CSF2RA: variants seen among roughly 807,000 people sequenced by gnomAD.
CSF2RA encodes the protein colony stimulating factor 2 receptor subunit alpha, also known as granulocyte-macrophage colony-stimulating factor receptor subunit alpha.
A neutral mutation model predicts 51.6 loss-of-function variants in CSF2RA; 42 were observed. The ratio of observed to expected loss-of-function variants is 0.81; its 90% CI spans 0.64 to 1.05. The LOEUF is 1.05. Among genes scored for constraint, CSF2RA ranks in the 50% least tolerant of loss-of-function variants. CSF2RA has a pLI of 0.00. For missense variants in CSF2RA, 530 were observed against 501.1 expected, an observed-to-expected ratio of 1.06 and a Z score of -0.55; for synonymous variants, 222 against 193.0, an observed-to-expected ratio of 1.15 and a Z score of -1.24.
chrX:1,323,151 T>A, the CSF2RA span, among the ~76,000 whole-genome samples: 11,640 of 54,964 alleles, frequency 0.21, 1,440 homozygotes, highest in African/African-American at 0.4. Flanking sequence ...ATACAATACA[T>A]TACAATTATA....
At chrX:1,289,088 G>A in intron 6 of CSF2RA, 200 bp downstream of exon 6, 2 of 658,198 alleles carry the variant, frequency 3.0e-6, no homozygotes, top group Admixed American at 2.7e-5. Flanking sequence ...CAGCTTCCCA[G>A]GTAGCTGGGA....
At chrX:1,318,746 T>G in the CSF2RA span, among the ~76,000 whole-genome samples, 77 of 150,762 alleles carry the variant, frequency 5.1e-4, no homozygotes, top group African/African-American at 1.8e-3. Context: ...TGAAACCCCA[T>G]CTCTACTAAA....
At chrX:1,271,642 G>C (rs1206399689) in intron 1 of CSF2RA, among the ~76,000 whole-genome samples, 2 of 151,076 alleles carry the variant, frequency 1.3e-5, no homozygotes, top group Non-Finnish European at 3.0e-5. Flanking sequence ...TCAGCCTCCT[G>C]GGTAGCTGGG....
chrX:1,308,484 G>C (rs1603438693), intron 12 of CSF2RA, among the ~76,000 whole-genome samples: 1 of 151,940 alleles, frequency 6.6e-6, no homozygotes, highest in Admixed American at 6.6e-5. Flanking sequence ...AGACTTGCGT[G>C]ACCCACATCC....
intron 3 of CSF2RA, among the ~76,000 whole-genome samples, chrX:1,284,037 C>T (rs2090350803): frequency 6.6e-6 from 1 of 150,442 alleles, no homozygotes; most frequent in Non-Finnish European, 1.5e-5. Context: ...GGAAGACAGA[C>T]AAAGACAGCT....
At chrX:1,319,779 A>G in the CSF2RA span, among the ~76,000 whole-genome samples, 7 of 147,638 alleles carry the variant, frequency 4.7e-5, no homozygotes, top group Non-Finnish European at 9.0e-5. Flanking sequence ...CAGGGGCAAA[A>G]TCTTGGCTCA....
chrX:1,278,272 G>T (rs1251140495), intron 2 of CSF2RA, among the ~76,000 whole-genome samples: 1 of 150,248 alleles, frequency 6.7e-6, no homozygotes, highest in African/African-American at 2.5e-5. Flanking sequence ...GACGGAGGTT[G>T]CAGTGAGCCA....
chrX:1,278,554 G>T (rs1430961110), intron 2 of CSF2RA, among the ~76,000 whole-genome samples: 4 of 143,410 alleles, frequency 2.8e-5, no homozygotes, highest in Non-Finnish European at 6.0e-5. Flanking sequence ...AGGCGTGTTG[G>T]TGCGTGCCTG....
chrX:1,282,692 C>T lies in CSF2RA; in HGVS notation c.-12C>T. Reference sequence around the variant, plus strand: ...CTCTCCTGCAGCTCTTCCCTTCTCTCTGACCAGCACCATGCTTCTCCTGGT... The same window carrying T: ...CTCTCCTGCAGCTCTTCCCTTCTCTTTGACCAGCACCATGCTTCTCCTGGT... On this transcript the variant is annotated 5_prime_UTR_variant, in exon 3 of 13. Coordinates refer to ENST00000381529, the MANE Select transcript of CSF2RA (RefSeq NM_172245.4). The T allele has an allele frequency of 6.2e-7, 1 of 1,611,576 alleles. No individual in the cohort carries two copies. Among genetic ancestry groups the T allele is most frequent in the Non-Finnish European group, 8.5e-7 (1 of 1,177,708 alleles).
At chrX:1,317,221 GA>G in the CSF2RA span, among the ~76,000 whole-genome samples, 1 of 135,542 alleles carries the variant, frequency 7.4e-6, no homozygotes. Flanking sequence ...GTGCTGGGAT[GA>G]CAGGCGTGAG....
At chrX:1,277,609 A>AC (rs1169740634) in intron 2 of CSF2RA, among the ~76,000 whole-genome samples, 1 of 150,660 alleles carries the variant, frequency 6.6e-6, no homozygotes, top group African/African-American at 2.4e-5. Context: ...AAAAAAAAAA[A>AC]AAAAAAAATT....
intron 1 of CSF2RA, among the ~76,000 whole-genome samples, chrX:1,272,499 T>G (rs1351543956): frequency 2.6e-5 from 4 of 151,692 alleles, no homozygotes; most frequent in Non-Finnish European, 5.9e-5. Context: ...TTTTATTTTA[T>G]TTTTTTGAGA....
chrX:1,314,762 C>T (rs1178591333), downstream of CSF2RA, among the ~76,000 whole-genome samples: 13 of 23,178 alleles, frequency 5.6e-4, no homozygotes, highest in Non-Finnish European at 9.5e-4. Flanking sequence ...AATCCCACTG[C>T]ACCTGCCCAA....
chrX:1,313,676 C>A (rs748331089), downstream of CSF2RA, among the ~76,000 whole-genome samples: 1 of 151,818 alleles, frequency 6.6e-6, no homozygotes, highest in South Asian at 2.1e-4. Context: ...CACGCCATTG[C>A]ACTCCAATCT....
chrX:1,322,121 T>TATTTATTTATTTATTTA, the CSF2RA span, among the ~76,000 whole-genome samples: 36 of 151,894 alleles, frequency 2.4e-4, no homozygotes, highest in African/African-American at 8.7e-4. Flanking sequence ...TTTATTTATT[T>TATTTATTTATTTATTTA]TTGAGACAGT....
the CSF2RA span, among the ~76,000 whole-genome samples, chrX:1,323,541 T>C: frequency 6.6e-6 from 1 of 151,932 alleles, no homozygotes; most frequent in Non-Finnish European, 1.5e-5. Context: ...TCTCAGGTGG[T>C]GCTAGTGATG....
At chrX:1,317,970 C>A in the CSF2RA span, among the ~76,000 whole-genome samples, 1 of 150,990 alleles carries the variant, frequency 6.6e-6, no homozygotes, top group Non-Finnish European at 1.5e-5. Flanking sequence ...CCATGACTGG[C>A]TAATTTTTTT....
At chrX:1,269,827 G>T (rs1385839238) in intron 1 of CSF2RA, among the ~76,000 whole-genome samples, 1 of 151,924 alleles carries the variant, frequency 6.6e-6, no homozygotes, top group Non-Finnish European at 1.5e-5. Flanking sequence ...GTAAAGGGGG[G>T]CCGGGCACGG....
chrX:1,295,723 G>T, intron 9 of CSF2RA: 1 of 648,548 alleles, frequency 1.5e-6, no homozygotes, highest in Non-Finnish European at 2.8e-6. Flanking sequence ...AGGAGGAGGA[G>T]ACCCTGCCCC....
Sources: allele counts gnomAD v4.1 joint callset (sites outside exome capture counted in the v4.1 genomes callset), GRCh38; gene constraint gnomAD v4.1.1; transcripts MANE v1.5; gene names NCBI Gene and HGNC (gene_info 2026-07-23, HGNC 2026-07-21).